The following PAQR3 variants were observed in gnomAD, a reference collection of about 807,000 sequenced individuals.
PAQR3 encodes the protein progestin and adipoQ receptor family member 3.
PAQR3 carries 39 observed loss-of-function variants against 41.7 expected under a neutral mutation model. The ratio of observed to expected loss-of-function variants is 0.93; its 90% CI spans 0.72 to 1.22. The LOEUF is 1.22. PAQR3 is among the 50% of genes most tolerant of loss of function. The probability of loss-of-function intolerance (pLI) is 0.00; values close to 1 mark genes in which losing one functional copy is unlikely to be tolerated. For synonymous variants in PAQR3, 140 were observed against 140.6 expected (o/e 1.00, Z 0.03); for missense variants, 366 against 385.6 (o/e 0.95, Z 0.42).
At position 78,917,214 on chromosome 4, in the gene PAQR3, T is replaced by A. The variant is rs1274483562; in HGVS notation, c.*3325A>T. On this transcript the variant is annotated 3_prime_UTR_variant, in exon 6 of 6. Transcript: ENST00000512733. ...AGCATCATATGTAACATGTAGTTAA[T>A]ATTCTCATATTGAAAGCTTGAGCTT... is the stretch of plus-strand genomic sequence containing the variant. 1.3e-5 allele frequency: 2 copies of A among 151,998 alleles called. No individual in the cohort carries two copies. Among genetic ancestry groups the A allele is most frequent in the Non-Finnish European group, 1.5e-5 (1 of 67,900 alleles). 9.4% of individuals were successfully genotyped at this position (151,998 alleles called of 1,614,324 possible).
rs1299156012 is a variant in PAQR3 at position 78,920,039 on chromosome 4, CATTTTAGTGATTATTTAAATCTAGTG to C, written c.*474_*499del. ...TCTGAAGTGCCAGTTTCTCACAAAT[CATTTTAGTGATTATTTAAATCTAGTG>C]ATTTTAGTGATTATTTAAAATCACT... On this transcript the variant is annotated 3_prime_UTR_variant, in exon 6 of 6. Transcript: ENST00000512733. The C allele has an allele frequency of 7.1e-6, 7 of 984,672 alleles. No homozygotes were observed. Among genetic ancestry groups the C allele is most frequent in the East Asian group, 1.1e-4 (1 of 8,820 alleles). The allele number at this position is 984,672 out of a possible 1,614,324, so 61.0% of individuals were successfully genotyped here.
At chr4:78,935,379 T>C (rs1219778498) in intron 1 of PAQR3, 96 bp from the exon 2 acceptor site, 1 of 1,038,416 alleles carries the variant, frequency 9.6e-7, no homozygotes, top group African/African-American at 1.6e-5. Context: ...ACCTAATACT[T>C]GCTCCTTTAA....
downstream of PAQR3, chr4:78,911,682 T>C (rs547963359): frequency 6.2e-7 from 1 of 1,613,810 alleles, no homozygotes; most frequent in African/African-American, 1.3e-5. Flanking sequence ...AGGAGAACAT[T>C]AGTGTTGCAC....
chr4:78,910,235 A>T (rs1734513749), downstream of PAQR3, among the ~76,000 whole-genome samples: 4 of 152,324 alleles, frequency 2.6e-5, 1 homozygote, highest in South Asian at 8.3e-4. Flanking sequence ...TATAAGCAGG[A>T]GGTATTTGGT....
intron 11 of PAQR3, among the ~76,000 whole-genome samples, chr4:78,903,091 C>T (rs1734097466): frequency 1.3e-5 from 2 of 151,510 alleles, no homozygotes; most frequent in African/African-American, 2.4e-5. Context: ...ATTTTCCCAC[C>T]AAGGTATTGT....
In PAQR3 at chr4:78,939,117, G is replaced by A. The variant is rs765629193; in HGVS notation, c.108C>T (p.Ile36=). The A allele has an allele frequency of 5.0e-6, 8 of 1,613,812 alleles. No homozygotes were observed. The highest frequency in any genetic ancestry group is 1.7e-4 in the Middle Eastern group (1 of 6,060). ...RGIRLYTYEQ[I]PGSLKDNPYI... is the part of the protein sequence containing the mutation. ...ACGGGTTGTCCTTGAGGGACCCGGG[G>A]ATCTGCTCGTAGGTGTACAGGCGGA... Residue 36 remains isoleucine, a synonymous_variant, in exon 1 of 6, where the codon ATC becomes ATT. Transcript: ENST00000512733.
chr4:78,910,514 G>A, downstream of PAQR3: 3 of 1,024,584 alleles, frequency 2.9e-6, no homozygotes, highest in Non-Finnish European at 4.1e-6. Flanking sequence ...TCGTATGAGG[G>A]ATTTGTAATG....
At chr4:78,889,941 C>A (rs1048817274) in intron 11 of PAQR3, among the ~76,000 whole-genome samples, 1 of 152,148 alleles carries the variant, frequency 6.6e-6, no homozygotes, top group South Asian at 2.1e-4. Flanking sequence ...CATTTAAGAA[C>A]CACTGTCCTG....
At chr4:78,909,134 C>T (rs1226312430), downstream of PAQR3, among the ~76,000 whole-genome samples, 2 of 144,110 alleles carry the variant, frequency 1.4e-5, no homozygotes, top group African/African-American at 5.2e-5. Flanking sequence ...TCTTGGCTCA[C>T]TGCAACCTCT....
rs1303531570 is a variant in PAQR3, at chr4:78,911,973, A to G, written c.*8566T>C. 2.5e-6 allele frequency: 4 copies of G among 1,613,950 alleles called. No homozygotes were observed. The highest frequency in any genetic ancestry group is 2.5e-6 in the Non-Finnish European group (3 of 1,179,854). On this transcript the variant is annotated 3_prime_UTR_variant, in exon 6 of 6. Transcript: ENST00000512733. ...AAAGCATCACTCCACATCAGTCCCA[A>G]CAGTCCCAACCAGTCGAATTAGACC...
intron 11 of PAQR3, among the ~76,000 whole-genome samples, chr4:78,888,471 C>G (rs1000752947): frequency 1.9e-4 from 29 of 152,148 alleles, no homozygotes; most frequent in Non-Finnish European, 1.5e-5. Context: ...TGGTAGAAGG[C>G]AGTTTCAGTA....
At chr4:78,930,434 TG>T in intron 2 of PAQR3, 109 bp from the exon 3 acceptor site, 1 of 1,136,674 alleles carries the variant, frequency 8.8e-7, no homozygotes, top group Non-Finnish European at 1.2e-6. Context: ...CAAACATTTA[TG>T]GGCTTGGATT....
At position 78,937,251 on chromosome 4, in the gene PAQR3, A is replaced by AG. The variant is rs1469734803; in HGVS notation, c.185+1788dup. Among the ~76,000 whole-genome samples the AG allele has an allele frequency of 2.0e-5, 3 of 152,276 alleles. No individual in the cohort carries two copies. In the East Asian group the frequency reaches 5.8e-4, roughly 29 times the overall value. ...TGAAGATTACCAGATGGAGGTTGTT[A>AG]GGGGGAAGGGTGCTAAGTAAAAATG... is the stretch of plus-strand genomic sequence containing the variant. On this transcript the variant is annotated intron_variant, in intron 1 of 5. Coordinates refer to ENST00000512733, the MANE Select transcript of PAQR3 (RefSeq NM_001040202.2).
chr4:78,897,097 T>TAA lies in PAQR3; in HGVS notation c.*837-8951_*837-8950dup, dbSNP rs889621234. On this transcript the variant is annotated intron_variant and NMD_transcript_variant, in intron 11 of 12. Transcript: ENST00000342820. Reference sequence around the variant, plus strand: ...TTTAGTATGATTTTATATATATATATAATGCTTAAAATATGGAGTAAAATT... The same window carrying TAA: ...TTTAGTATGATTTTATATATATATATAAAATGCTTAAAATATGGAGTAAAATT... 1.1e-4 allele frequency among the ~76,000 whole-genome samples: 17 copies of TAA among 152,146 alleles called. No individual in the cohort carries two copies. In the South Asian group the frequency reaches 1.5e-3, roughly 13 times the overall value.
rs1165687353 is a variant in PAQR3 at position 78,939,234 on chromosome 4, C to G, written c.-10G>C. 1.3e-6 allele frequency: 2 copies of G among 1,574,832 alleles called. No homozygotes were observed. Among genetic ancestry groups the G allele is most frequent in the Admixed American group, 3.7e-5 (2 of 54,266 alleles). On this transcript the variant is annotated 5_prime_UTR_variant, in exon 1 of 6. Coordinates refer to ENST00000512733, the MANE Select transcript of PAQR3 (RefSeq NM_001040202.2). ...GCAGCTTCTGATGCATCGTTCCCGGCCGCCGCCGCTCCCCGGCTCGGGAGC... is the reference window on the plus strand; with the variant it reads ...GCAGCTTCTGATGCATCGTTCCCGGGCGCCGCCGCTCCCCGGCTCGGGAGC...
chr4:78,898,106 A>C (rs1190106362), intron 11 of PAQR3, among the ~76,000 whole-genome samples: 4 of 152,152 alleles, frequency 2.6e-5, no homozygotes, highest in Non-Finnish European at 5.9e-5. Context: ...GAGCAGAGAG[A>C]ACAGTTGTGA....
Position 78,912,115 on chromosome 4 carries a change from G to T in PAQR3, c.*8424C>A, listed in dbSNP as rs772588268. ...TATGAATTTGAAAGAAAATTTGGTA[G>T]CTCTTTATAGCATTCATTCTTAAAG... On this transcript the variant is annotated 3_prime_UTR_variant, in exon 6 of 6. Coordinates refer to ENST00000512733, the MANE Select transcript of PAQR3 (RefSeq NM_001040202.2). The T allele has an allele frequency of 1.2e-5, 14 of 1,214,050 alleles. No homozygotes were observed. The highest frequency in any genetic ancestry group is 1.6e-5 in the Non-Finnish European group (14 of 855,636). 75.2% of individuals were successfully genotyped at this position (1,214,050 alleles called of 1,614,324 possible).
chr4:78,931,126 G>C (rs1392635617), intron 2 of PAQR3, among the ~76,000 whole-genome samples: 1 of 142,378 alleles, frequency 7.0e-6, no homozygotes, highest in Non-Finnish European at 1.5e-5. Flanking sequence ...ATGGTGGGAG[G>C]ATCTCTTGAG....
intron 11 of PAQR3, among the ~76,000 whole-genome samples, chr4:78,889,818 CAG>C (rs988922551): frequency 1.3e-4 from 20 of 152,156 alleles, no homozygotes; most frequent in African/African-American, 4.1e-4. Context: ...AATTACTAAA[CAG>C]AATTTAATTT....
Sources: allele counts gnomAD v4.1 joint callset (sites outside exome capture counted in the v4.1 genomes callset), GRCh38; gene constraint gnomAD v4.1.1; transcripts MANE v1.5; gene names NCBI Gene and HGNC (gene_info 2026-07-23, HGNC 2026-07-21).